CSMD3: variants seen among roughly 807,000 people sequenced by gnomAD.
CSMD3 encodes the protein CUB and sushi domain-containing protein 3.
CSMD3 carries 177 observed loss-of-function variants against 435.2 expected under a neutral mutation model. That is an observed-to-expected ratio of 0.41 (90% CI 0.36 to 0.46). The LOEUF (loss-of-function observed/expected upper bound fraction) is 0.46. CSMD3 is among the 20% of genes least tolerant of loss of function. The probability of loss-of-function intolerance (pLI) is 0.34; values close to 1 mark genes in which losing one functional copy is unlikely to be tolerated. For synonymous variants in CSMD3, 1,656 were observed against 1,520.5 expected, an observed-to-expected ratio of 1.09 and a Z score of -2.07; for missense variants, 4,265 against 4,504.6, an observed-to-expected ratio of 0.95 and a Z score of 1.52.
intron 4 of CSMD3, among the ~76,000 whole-genome samples, chr8:113,165,736 A>G (rs1163196723): frequency 6.6e-6 from 1 of 152,204 alleles, no homozygotes; most frequent in Non-Finnish European, 1.5e-5. Context: ...GTTTAAAATA[A>G]GAATGATAGA....
chr8:112,834,305 T>C (rs1352864293), intron 11 of CSMD3, among the ~76,000 whole-genome samples: 1 of 151,942 alleles, frequency 6.6e-6, no homozygotes, highest in African/African-American at 2.4e-5. Context: ...AATATTCTGA[T>C]TGAATTTTTA....
intron 1 of CSMD3, among the ~76,000 whole-genome samples, chr8:113,368,932 G>C (rs1301453077): frequency 6.6e-6 from 1 of 151,982 alleles, no homozygotes; most frequent in Admixed American, 6.6e-5. Flanking sequence ...ACCAAGGAAC[G>C]GTGGGTTTGT....
At chr8:113,366,993 G>T (rs895901061) in intron 1 of CSMD3, among the ~76,000 whole-genome samples, 1 of 151,882 alleles carries the variant, frequency 6.6e-6, no homozygotes. Context: ...TTTTAAAACA[G>T]CTTTCAAAAT....
chr8:112,730,174 G>T (rs1056234010), intron 13 of CSMD3, among the ~76,000 whole-genome samples: 5 of 151,966 alleles, frequency 3.3e-5, no homozygotes, highest in African/African-American at 1.2e-4. Context: ...ACTAAACAAG[G>T]ATCTAGACTT....
intron 18 of CSMD3, 102 bp from the exon 19 acceptor site, chr8:112,650,451 C>A: frequency 1.0e-6 from 1 of 958,646 alleles, no homozygotes; most frequent in Non-Finnish European, 1.7e-6. Flanking sequence ...ATGATTTTTA[C>A]AAATAAAGGT....
At chr8:113,203,433 T>C (rs959454827) in intron 3 of CSMD3, among the ~76,000 whole-genome samples, 4 of 151,926 alleles carry the variant, frequency 2.6e-5, no homozygotes, top group African/African-American at 9.7e-5. Context: ...TGAGCCACCA[T>C]GACCATCTAA....
chr8:113,160,945 T>C (rs982082596), intron 4 of CSMD3, among the ~76,000 whole-genome samples: 2 of 152,092 alleles, frequency 1.3e-5, no homozygotes, highest in Non-Finnish European at 2.9e-5. Context: ...CAACATGCCC[T>C]GAAGGTGCTA....
At position 112,556,787 on chromosome 8, in the gene CSMD3, C is replaced by G. The variant is rs2131224011; in HGVS notation, c.4210G>C (p.Asp1404His). Residue 1404 changes from aspartate to histidine, a missense_variant, in exon 25 of 71, where the codon GAC (aspartate) becomes CAC (histidine). Coordinates refer to ENST00000297405, the MANE Select transcript of CSMD3 (RefSeq NM_198123.2). ...KCMTGERRAWDYPLPSCIAEC... is the reference protein window; with the variant it reads ...KCMTGERRAWHYPLPSCIAEC... The stretch of plus-strand genomic sequence containing the variant: ...CCAATACAGGAAGGCAGAGGATAGT[C>G]CCATGCCCTTCTCTCCCCTGTCATG... The G allele has an allele frequency of 1.2e-6, 2 of 1,611,840 alleles. No individual in the cohort carries two copies. Among genetic ancestry groups the G allele is most frequent in the South Asian group, 1.1e-5 (1 of 91,036 alleles).
At chr8:112,981,681 T>C (rs1213800049) in intron 6 of CSMD3, among the ~76,000 whole-genome samples, 1 of 151,688 alleles carries the variant, frequency 6.6e-6, no homozygotes, top group Admixed American at 6.6e-5. Context: ...ACTAAATTAA[T>C]AATTGTAAAA....
At chr8:113,371,708 G>T (rs2094346971) in intron 1 of CSMD3, among the ~76,000 whole-genome samples, 1 of 152,096 alleles carries the variant, frequency 6.6e-6, no homozygotes, top group Non-Finnish European at 1.5e-5. Flanking sequence ...TACAGACTGT[G>T]TCTTTAAGCA....
In CSMD3 at chr8:112,558,434, G is replaced by A. The variant is rs1461361606; in HGVS notation, c.4043-1480C>T. ...ATTACTGATAGATTATACCTTTTAT[G>A]TCCAATTACATTTCTACGTAGCTGA... On this transcript the variant is annotated intron_variant, in intron 24 of 70. Coordinates refer to ENST00000297405, the MANE Select transcript of CSMD3 (RefSeq NM_198123.2). 2.6e-5 allele frequency among the ~76,000 whole-genome samples: 4 copies of A among 151,914 alleles called. No homozygotes were observed. In the East Asian group the frequency reaches 7.8e-4, roughly 30 times the overall value.
intron 6 of CSMD3, chr8:113,018,724 C>T (rs1484117634): frequency 2.2e-5 from 6 of 267,090 alleles, no homozygotes; most frequent in African/African-American, 9.0e-5. Flanking sequence ...TGAGAAAGAG[C>T]GTACATGCAA....
intron 5 of CSMD3, among the ~76,000 whole-genome samples, chr8:113,057,767 A>G (rs570701177): frequency 6.6e-6 from 1 of 152,096 alleles, no homozygotes; most frequent in African/African-American, 2.4e-5. Context: ...ACTTTTATAT[A>G]TCAGATGGCT....
intron 7 of CSMD3, among the ~76,000 whole-genome samples, chr8:112,960,418 A>G (rs894260236): frequency 6.6e-6 from 1 of 151,792 alleles, no homozygotes; most frequent in Non-Finnish European, 1.5e-5. Flanking sequence ...AAAACAATAC[A>G]TCTTATAAAT....
At chr8:112,963,500 A>G (rs1243261304) in intron 7 of CSMD3, among the ~76,000 whole-genome samples, 1 of 151,974 alleles carries the variant, frequency 6.6e-6, no homozygotes, top group Non-Finnish European at 1.5e-5. Context: ...TCAAAGGATA[A>G]TATCTAGGTA....
intron 7 of CSMD3, among the ~76,000 whole-genome samples, chr8:112,959,006 A>G (rs2084134612): frequency 1.3e-5 from 2 of 152,152 alleles, no homozygotes; most frequent in South Asian, 4.1e-4. Context: ...AACTTAAAGT[A>G]ATAAAACATT....
intron 41 of CSMD3, among the ~76,000 whole-genome samples, chr8:112,344,124 T>G (rs1825450549): frequency 6.6e-6 from 1 of 152,088 alleles, no homozygotes; most frequent in Admixed American, 6.6e-5. Context: ...CCTTGTGATC[T>G]GCCCGCATCA....
At chr8:113,273,387 T>C (rs1343212038) in intron 3 of CSMD3, among the ~76,000 whole-genome samples, 2 of 152,192 alleles carry the variant, frequency 1.3e-5, no homozygotes, top group South Asian at 2.1e-4. Context: ...TCAGTTACCA[T>C]TGATAACCAA....
At chr8:112,454,434 C>G (rs1054302138) in intron 32 of CSMD3, among the ~76,000 whole-genome samples, 1 of 152,030 alleles carries the variant, frequency 6.6e-6, no homozygotes, top group African/African-American at 2.4e-5. Flanking sequence ...ACCAATAACT[C>G]CACCAAAACA....
Sources: allele counts gnomAD v4.1 joint callset (sites outside exome capture counted in the v4.1 genomes callset), GRCh38; gene constraint gnomAD v4.1.1; transcripts MANE v1.5; gene names NCBI Gene and HGNC (gene_info 2026-07-23, HGNC 2026-07-21).